Variants in COL12A1 observed in about 807,000 individuals in gnomAD.
COL12A1 encodes the protein collagen alpha-1(XII) chain.
A neutral mutation model predicts 349.7 loss-of-function variants in COL12A1; 114 were observed. The ratio of observed to expected loss-of-function variants is 0.33; its 90% CI spans 0.28 to 0.38. The LOEUF (loss-of-function observed/expected upper bound fraction) is 0.38. COL12A1 is among the 10% of genes least tolerant of loss of function. COL12A1 has a pLI of 1.00. For synonymous variants in COL12A1, 1,369 were observed against 1,329.0 expected, an observed-to-expected ratio of 1.03 and a Z score of -0.66; for missense variants, 3,284 against 3,756.9, an observed-to-expected ratio of 0.87 and a Z score of 3.29.
intron 52 of COL12A1, among the ~76,000 whole-genome samples, chr6:75,108,293 G>A (rs570744990): frequency 6.6e-6 from 1 of 151,364 alleles, no homozygotes; most frequent in East Asian, 1.9e-4. Flanking sequence ...TCACTATGTT[G>A]CCTAGGCTAA....
chr6:75,148,110 GA>G (rs57726755), intron 22 of COL12A1, among the ~76,000 whole-genome samples: 2 of 151,876 alleles, frequency 1.3e-5, no homozygotes, highest in African/African-American at 2.4e-5. Flanking sequence ...AGATTTTAAT[GA>G]AAAAAACATA....
At position 75,098,952 on chromosome 6, in the gene COL12A1, G is replaced by C. The variant is rs2300796; in HGVS notation, c.8524-1646C>G. 1.1e-3 allele frequency among the ~76,000 whole-genome samples: 175 copies of C among 152,182 alleles called. 2 individuals are homozygous for C. Among genetic ancestry groups the C allele is most frequent in the African/African-American group, 3.6e-3 (150 of 41,510 alleles). On this transcript the variant is annotated intron_variant, in intron 58 of 65. Coordinates refer to ENST00000322507, the MANE Select transcript of COL12A1 (RefSeq NM_004370.6). ...CCTGCTACCCAGTTAGCATTCACTCGCAACAGCAGATCTCTGAAATCCAGC... is the reference window on the plus strand; with the variant it reads ...CCTGCTACCCAGTTAGCATTCACTCCCAACAGCAGATCTCTGAAATCCAGC...
chr6:75,116,258 AT>A (rs1386707331), intron 47 of COL12A1, among the ~76,000 whole-genome samples: 1 of 152,174 alleles, frequency 6.6e-6, no homozygotes, highest in African/African-American at 2.4e-5. Context: ...AGTGTAACAA[AT>A]ATTTCCCTAA....
rs1769739404 is a variant in COL12A1 at position 75,188,317 on chromosome 6, A to C, written c.997+45T>G. On this transcript the variant is annotated intron_variant, in intron 8 of 65. Coordinates refer to ENST00000322507, the MANE Select transcript of COL12A1 (RefSeq NM_004370.6). ...CTAAGATAACTATAAATACTCAAAC[A>C]ATGGAAAAGACTAACACATGGGGAA... 4 of 1,546,770 alleles carry C rather than the reference A, an allele frequency of 2.6e-6. No homozygotes were observed. The African/African-American group carries it at 5.6e-5, about 22-fold the overall frequency.
At chr6:75,189,454 A>G (rs1582208769) in intron 6 of COL12A1, 73 bp from the exon 7 acceptor site, 1 of 1,573,304 alleles carries the variant, frequency 6.4e-7, no homozygotes, top group Admixed American at 1.9e-5. Flanking sequence ...TATGTGAACA[A>G]TGTCAAAAAT....
intron 52 of COL12A1, among the ~76,000 whole-genome samples, chr6:75,107,575 T>A (rs1448026536): frequency 6.6e-6 from 1 of 152,062 alleles, no homozygotes; most frequent in Non-Finnish European, 1.5e-5. Context: ...TCAGCCTACA[T>A]CAAGCTTTAA....
chr6:75,169,759 C>T (rs1343315804), intron 13 of COL12A1, among the ~76,000 whole-genome samples: 1 of 152,078 alleles, frequency 6.6e-6, no homozygotes, highest in Non-Finnish European at 1.5e-5. Flanking sequence ...CCTTTATTAC[C>T]ATTCCTTTGA....
chr6:75,140,481 C>A (rs1453943347), intron 27 of COL12A1, among the ~76,000 whole-genome samples: 1 of 151,866 alleles, frequency 6.6e-6, no homozygotes, highest in Non-Finnish European at 1.5e-5. Flanking sequence ...ACGGTGAAAC[C>A]CCGTCTCTAC....
chr6:75,134,912 T>G lies in COL12A1; in HGVS notation c.5395-57A>C, dbSNP rs926614428. 11 of 1,546,930 alleles carry G rather than the reference T, an allele frequency of 7.1e-6. No homozygotes were observed. The Middle Eastern group carries it at 5.2e-4, about 73-fold the overall frequency. On this transcript the variant is annotated intron_variant, in intron 31 of 65. Coordinates refer to ENST00000322507, the MANE Select transcript of COL12A1 (RefSeq NM_004370.6). ...CCTTGCTCTCTCCATCTCACTAATC[T>G]GTTAGAAAAAGCTCTTTCTACAGGG...
At chr6:75,204,648 C>A (rs956242038) in intron 1 of COL12A1, among the ~76,000 whole-genome samples, 1 of 152,186 alleles carries the variant, frequency 6.6e-6, no homozygotes, top group African/African-American at 2.4e-5. Flanking sequence ...ACTTCACCCT[C>A]ATGAATAAAA....
In COL12A1 at chr6:75,132,120, G is replaced by C. The variant is rs375814802; in HGVS notation, c.5795-38C>G. 1.5e-5 allele frequency: 24 copies of C among 1,605,104 alleles called. No individual in the cohort carries two copies. In the African/African-American group the frequency reaches 3.2e-4, roughly 22 times the overall value. ...AGGCCAACATCTATTTTTTAAGTCT[G>C]TTTATATATCTCAAGCTTTTGTATC... On this transcript the variant is annotated intron_variant, in intron 34 of 65. Coordinates refer to ENST00000322507, the MANE Select transcript of COL12A1 (RefSeq NM_004370.6).
At chr6:75,105,706 T>C (rs1303341256) in intron 53 of COL12A1, among the ~76,000 whole-genome samples, 1 of 152,208 alleles carries the variant, frequency 6.6e-6, no homozygotes, top group African/African-American at 2.4e-5. Context: ...TGAGGGCTGC[T>C]ACTACCTACC....
intron 54 of COL12A1, among the ~76,000 whole-genome samples, chr6:75,104,120 T>G (rs1455415830): frequency 2.0e-5 from 3 of 152,216 alleles, no homozygotes; most frequent in Admixed American, 6.5e-5. Flanking sequence ...TTTGGATTTA[T>G]GTGAATTACA....
At chr6:75,194,980 T>C (rs1770145173) in intron 2 of COL12A1, 33 bp from the exon 3 acceptor site, 2 of 1,243,292 alleles carry the variant, frequency 1.6e-6, no homozygotes, top group Non-Finnish European at 2.3e-6. Context: ...TATTAAACTT[T>C]TCAATGTCAC....
At chr6:75,179,069 G>A (rs1275690033) in intron 11 of COL12A1, among the ~76,000 whole-genome samples, 1 of 152,090 alleles carries the variant, frequency 6.6e-6, no homozygotes, top group African/African-American at 2.4e-5. Context: ...TTATTTAAGT[G>A]GTTAAATGAG....
At chr6:75,128,236 C>A (rs62415670) in intron 38 of COL12A1, 60 bp downstream of exon 38, 1 of 1,428,896 alleles carries the variant, frequency 7.0e-7, no homozygotes, top group Non-Finnish European at 9.2e-7. Context: ...GGTATAAAAG[C>A]AACATTAACA....
At position 75,183,562 on chromosome 6, in the gene COL12A1, C is replaced by G. The variant is rs1294384552; in HGVS notation, c.1379G>C (p.Arg460Thr). 4 of 1,614,028 alleles carry G rather than the reference C, an allele frequency of 2.5e-6. No individual in the cohort carries two copies. Among genetic ancestry groups the G allele is most frequent in the Non-Finnish European group, 3.4e-6 (4 of 1,180,042 alleles). The change falls in exon 10 of 66, where the codon AGA becomes ACA. Residue 460 changes from arginine (R) to threonine (T), a missense_variant. Transcript: ENST00000322507. ...TTTTACAAGAACTTCCAAAAAGGCT[C>G]TAACTTTAACAAAGTTTGCAATCCC... ...SIGIANFVKV[R>T]AFLEVLVKSF...
In COL12A1 at chr6:75,094,108, C is replaced by G. The variant is rs75188639; in HGVS notation, c.8649+1000G>C. ...TGTCATTCTTTTTAACCTAATATAT[C>G]AGGAGTCCTTCTATCTTTATGTTGC... On this transcript the variant is annotated intron_variant, in intron 60 of 65. Coordinates refer to ENST00000322507, the MANE Select transcript of COL12A1 (RefSeq NM_004370.6). Among the ~76,000 whole-genome samples the G allele has an allele frequency of 2.3e-3, 356 of 151,866 alleles. 2 individuals carry two copies. Among genetic ancestry groups the G allele is most frequent in the African/African-American group, 8.3e-3 (343 of 41,544 alleles).
chr6:75,114,717 G>A (rs981531477), intron 49 of COL12A1, among the ~76,000 whole-genome samples: 1 of 151,878 alleles, frequency 6.6e-6, no homozygotes, highest in South Asian at 2.1e-4. Flanking sequence ...TCTTTTATAC[G>A]TTCAAGAACT....
Sources: allele counts gnomAD v4.1 joint callset (sites outside exome capture counted in the v4.1 genomes callset), GRCh38; gene constraint gnomAD v4.1.1; transcripts MANE v1.5; gene names NCBI Gene and HGNC (gene_info 2026-07-23, HGNC 2026-07-21).